HS2ST1: variants seen among roughly 807,000 people sequenced by gnomAD.
HS2ST1 encodes heparan sulfate 2-O-sulfotransferase 1, also known as 2-O-sulfotransferase.
In HS2ST1, 18 loss-of-function variants were observed where a neutral mutation model predicts 42.9. The ratio of observed to expected loss-of-function variants is 0.42; its 90% confidence interval spans 0.29 to 0.62. HS2ST1 has a LOEUF of 0.62. HS2ST1 is among the 20% of genes least tolerant of loss of function. The pLI, the probability that HS2ST1 is intolerant of heterozygous loss-of-function variation, is 0.21. For synonymous variants in HS2ST1, 146 were observed against 152.9 expected (o/e 0.95, Z 0.33); for missense variants, 334 against 433.8 (o/e 0.77, Z 2.04).
chr1:87,104,064 C>T (rs1435255830), intron 6 of HS2ST1, among the ~76,000 whole-genome samples: 1 of 152,128 alleles, frequency 6.6e-6, no homozygotes, highest in African/African-American at 2.4e-5. Flanking sequence ...CTTGAGGATG[C>T]ATATGCCCTA....
chr1:86,991,261 A>G (rs1648945429), intron 1 of HS2ST1, among the ~76,000 whole-genome samples: 1 of 152,180 alleles, frequency 6.6e-6, no homozygotes, highest in Non-Finnish European at 1.5e-5. Flanking sequence ...AGTTTAATTG[A>G]GCAAGGAATG....
chr1:87,019,166 C>T (rs574835097), intron 1 of HS2ST1, among the ~76,000 whole-genome samples: 1 of 152,282 alleles, frequency 6.6e-6, no homozygotes, highest in South Asian at 2.1e-4. Flanking sequence ...TTAAAAAGCT[C>T]TCCCTGGAAT....
chr1:87,102,091 CT>C (rs1344261082), intron 5 of HS2ST1, among the ~76,000 whole-genome samples: 1 of 151,276 alleles, frequency 6.6e-6, no homozygotes, highest in Non-Finnish European at 1.5e-5. Flanking sequence ...AAGTTTTGCT[CT>C]TGTCGCCCAG....
At chr1:87,002,631 A>G (rs1649323122) in intron 1 of HS2ST1, among the ~76,000 whole-genome samples, 1 of 150,838 alleles carries the variant, frequency 6.6e-6, no homozygotes, top group South Asian at 2.1e-4. Context: ...AAAGAAAAAG[A>G]AAAAAAAGAG....
chr1:87,019,828 C>T (rs746690775), intron 1 of HS2ST1, among the ~76,000 whole-genome samples: 5 of 152,138 alleles, frequency 3.3e-5, no homozygotes, highest in Non-Finnish European at 7.4e-5. Flanking sequence ...AATTTCAAAG[C>T]AGAGTAACTG....
At chr1:87,057,267 C>T (rs1411342808) in intron 1 of HS2ST1, among the ~76,000 whole-genome samples, 1 of 152,152 alleles carries the variant, frequency 6.6e-6, no homozygotes, top group Non-Finnish European at 1.5e-5. Context: ...TAAACCAAAG[C>T]TCTTTGGTGT....
chr1:87,023,532 A>G (rs2100589521), intron 1 of HS2ST1, among the ~76,000 whole-genome samples: 1 of 152,200 alleles, frequency 6.6e-6, no homozygotes, highest in African/African-American at 2.4e-5. Context: ...AAAATATAAT[A>G]TATCCTTGTG....
intron 1 of HS2ST1, among the ~76,000 whole-genome samples, chr1:86,995,061 T>A (rs765547505): frequency 6.6e-6 from 1 of 152,148 alleles, no homozygotes; most frequent in Non-Finnish European, 1.5e-5. Context: ...ATTATAGGAT[T>A]TTTTTCTTCC....
At chr1:86,947,584 CTT>C (rs370209111) in intron 1 of HS2ST1, among the ~76,000 whole-genome samples, 112 of 139,190 alleles carry the variant, frequency 8.0e-4, no homozygotes, top group African/African-American at 2.1e-3. Context: ...GTCCCTTCTC[CTT>C]TTTTTTTTTT....
Position 86,914,993 on chromosome 1 carries a change from T to C in HS2ST1, c.-44T>C. The C allele has an allele frequency of 2.5e-6, 4 of 1,611,616 alleles. No homozygotes were observed. Among genetic ancestry groups the C allele is most frequent in the Non-Finnish European group, 3.4e-6 (4 of 1,179,388 alleles). On this transcript the variant is annotated 5_prime_UTR_variant, in exon 1 of 7. Transcript: ENST00000370550. ...GTCTCTCTCGCCTCCGGGGTCCCGC[T>C]CCCCGCCCCCCGCGGTATGTCTTGA... is the stretch of plus-strand genomic sequence containing the variant.
chr1:87,068,207 G>A (rs188840948), intron 1 of HS2ST1, among the ~76,000 whole-genome samples: 1 of 152,236 alleles, frequency 6.6e-6, no homozygotes, highest in Non-Finnish European at 1.5e-5. Flanking sequence ...AGCATGGAGT[G>A]TTTTTCCATT....
Position 87,107,491 on chromosome 1 carries a change from G to A in HS2ST1, c.*2795G>A, listed in dbSNP as rs931943991. On this transcript the variant is annotated 3_prime_UTR_variant, in exon 7 of 7. Transcript: ENST00000370550. ...TAAATAGAACCACTGAGACAATAATGTATTTTTTTAAAGTGGCAAATGTGG... is the reference window on the plus strand; with the variant it reads ...TAAATAGAACCACTGAGACAATAATATATTTTTTTAAAGTGGCAAATGTGG... 1 of 151,806 alleles carries A rather than the reference G, an allele frequency of 6.6e-6. No homozygotes were observed. Among genetic ancestry groups the A allele is most frequent in the Non-Finnish European group, 1.5e-5 (1 of 67,866 alleles). The allele number at this position is 151,806 out of a possible 1,614,324, so 9.4% of individuals were successfully genotyped here.
At chr1:86,997,028 G>C (rs1649121361) in intron 1 of HS2ST1, among the ~76,000 whole-genome samples, 1 of 152,030 alleles carries the variant, frequency 6.6e-6, no homozygotes, top group Admixed American at 6.6e-5. Flanking sequence ...TCGACTTGAG[G>C]GTCTGTGATT....
intron 1 of HS2ST1, among the ~76,000 whole-genome samples, chr1:86,986,067 A>T (rs1203093863): frequency 8.2e-5 from 11 of 134,256 alleles, no homozygotes; most frequent in African/African-American, 1.1e-4. Context: ...AATCTCCCAC[A>T]TTTTCCAGAA....
At chr1:87,104,403 G>A in intron 6 of HS2ST1, 67 bp from the exon 7 acceptor site, 1 of 940,242 alleles carries the variant, frequency 1.1e-6, no homozygotes, top group South Asian at 1.5e-5. Context: ...CAAATAAAGA[G>A]GCATTGATCT....
intron 3 of HS2ST1, among the ~76,000 whole-genome samples, chr1:87,085,999 T>A (rs1651808198): frequency 6.6e-6 from 1 of 152,204 alleles, no homozygotes; most frequent in Non-Finnish European, 1.5e-5. Context: ...TTTCATAGAT[T>A]TTTCCAAGAT....
At chr1:86,954,399 ATCTG>A (rs1647618977) in intron 1 of HS2ST1, among the ~76,000 whole-genome samples, 1 of 152,212 alleles carries the variant, frequency 6.6e-6, no homozygotes. Flanking sequence ...GTGCAATAAA[ATCTG>A]TCTGTAATAT....
intron 1 of HS2ST1, among the ~76,000 whole-genome samples, chr1:86,965,413 T>C (rs2102202923): frequency 6.6e-6 from 1 of 152,306 alleles, no homozygotes; most frequent in Admixed American, 6.5e-5. Context: ...TTTTCTTTTG[T>C]GGCCTTCCAG....
At chr1:86,999,717 T>A (rs1449213726) in intron 1 of HS2ST1, among the ~76,000 whole-genome samples, 2 of 152,182 alleles carry the variant, frequency 1.3e-5, no homozygotes, top group East Asian at 3.8e-4. Context: ...CTTTTGTTAA[T>A]CATACATCTG....
Sources: gnomAD v4.1 joint callset for allele counts (sites outside exome capture counted in the v4.1 genomes callset) on GRCh38, gnomAD v4.1.1 for gene constraint, MANE v1.5 for transcripts, NCBI Gene and HGNC (gene_info 2026-07-23, HGNC 2026-07-21) for gene names.